BCL6: variants seen among roughly 807,000 people sequenced by gnomAD.
BCL6 encodes BCL6 transcription repressor.
In BCL6, 7 loss-of-function variants were observed where a neutral mutation model predicts 59.5. The ratio of observed to expected loss-of-function variants is 0.12; its 90% CI spans 0.07 to 0.22. The LOEUF (loss-of-function observed/expected upper bound fraction) is 0.22. Ranked by LOEUF, BCL6 falls within the 10% of genes least tolerant of loss-of-function variation. The pLI, the probability that BCL6 is intolerant of heterozygous loss-of-function variation, is 1.00. For synonymous variants in BCL6, 339 were observed against 349.7 expected, an observed-to-expected ratio of 0.97 and a Z score of 0.34; for missense variants, 685 against 939.4, an observed-to-expected ratio of 0.73 and a Z score of 3.54.
rs187765150 is a variant in BCL6, at chr3:187,742,279, A to C, written c.-50+3131T>G. Among the ~76,000 whole-genome samples, 454 of 152,170 alleles carry C rather than the reference A, an allele frequency of 3.0e-3. 4 individuals carry two copies. Among genetic ancestry groups the C allele is most frequent in the African/African-American group, 0.01 (434 of 41,508 alleles). ...TGTGAGTGTCATTACCCTGTAGGGG[A>C]TAGAGGGAAGGAAGGGTTTTGACAT... On this transcript the variant is annotated intron_variant, in intron 1 of 9. Transcript: ENST00000406870.
At chr3:187,744,161 A>G (rs2108483013) in intron 1 of BCL6, among the ~76,000 whole-genome samples, 1 of 152,312 alleles carries the variant, frequency 6.6e-6, no homozygotes, top group African/African-American at 2.4e-5. Context: ...GGGAGGCAAC[A>G]GCCATTGGGA....
At chr3:187,745,025 C>CTCCTTCCCCCTAAT (rs1711857109) in intron 1 of BCL6, among the ~76,000 whole-genome samples, 1 of 152,014 alleles carries the variant, frequency 6.6e-6, no homozygotes, top group Non-Finnish European at 1.5e-5. Flanking sequence ...CCTAATTCCC[C>CTCCTTCCCCCTAAT]TCCTTCCTCT....
intron 1 of BCL6, among the ~76,000 whole-genome samples, chr3:187,735,613 C>T (rs76177995): frequency 0.016 from 2,450 of 152,310 alleles, 26 homozygotes; most frequent in Admixed American, 0.033. Flanking sequence ...AATGCCATTG[C>T]TTCTAAGTTT....
At chr3:187,745,136 T>C (rs544841681) in intron 1 of BCL6, among the ~76,000 whole-genome samples, 5 of 151,876 alleles carry the variant, frequency 3.3e-5, no homozygotes, top group East Asian at 1.9e-4. Flanking sequence ...TAATAATAAA[T>C]ACATAACAAT....
chr3:187,736,186 G>A (rs146909253), intron 1 of BCL6: 81 of 152,210 alleles, frequency 5.3e-4, no homozygotes, highest in African/African-American at 1.7e-3. Flanking sequence ...CAATCCCATC[G>A]GCTCCAAGGT....
At chr3:187,744,208 A>T in intron 1 of BCL6, among the ~76,000 whole-genome samples, 1 of 152,126 alleles carries the variant, frequency 6.6e-6, no homozygotes, top group African/African-American at 2.4e-5. Flanking sequence ...AAATACAAAC[A>T]CCGCAGCGGC....
Position 187,729,134 on chromosome 3 carries a change from T to C in BCL6, c.1271A>G (p.Asp424Gly). 1 of 1,592,704 alleles carries C rather than the reference T, an allele frequency of 6.3e-7. No individual in the cohort carries two copies. Among genetic ancestry groups the C allele is most frequent in the Non-Finnish European group, 8.6e-7 (1 of 1,167,824 alleles). ...ACTCAGCTTGGTTGGGGACTGGAGG[T>C]CAAGGTTCTCAGGCTCCATGGGTGG... The part of the protein sequence containing the change: ...CQPPMEPENL[D>G]LQSPTKLSAS... The change falls in exon 5 of 10, where the codon GAC becomes GGC. Residue 424 changes from aspartate to glycine, a missense_variant. By Grantham distance (94) the Asp-to-Gly change is moderately conservative. Transcript: ENST00000406870. The surrounding 1 kb of genome is among the most constrained non-coding windows in gnomAD (Gnocchi z 5.6).
chr3:187,737,398 A>T (rs1719341991), intron 1 of BCL6: 1 of 144,506 alleles, frequency 6.9e-6, no homozygotes, highest in Admixed American at 6.9e-5. Flanking sequence ...AGAGAGAGAA[A>T]ATGAGAGAAG....
chr3:187,730,032 A>C lies in BCL6; in HGVS notation c.384-11T>G. Reference sequence around the variant, plus strand: ...ACCATCTCTGCTTCACTGTGAAAGAAAAAAAGAGGAAAGACACCGGCCCCA... The same window carrying C: ...ACCATCTCTGCTTCACTGTGAAAGACAAAAAGAGGAAAGACACCGGCCCCA... On this transcript the variant is annotated splice_polypyrimidine_tract_variant and intron_variant, in intron 4 of 9. Transcript: ENST00000406870. The C allele has an allele frequency of 6.5e-7, 1 of 1,530,898 alleles. No homozygotes were observed. Among genetic ancestry groups the C allele is most frequent in the East Asian group, 2.3e-5 (1 of 44,114 alleles). 94.8% of individuals were successfully genotyped at this position (1,530,898 alleles called of 1,614,324 possible). A position where few individuals can be genotyped will look rare whatever the true frequency, so the allele number is the denominator to read the frequency against.
intron 4 of BCL6, among the ~76,000 whole-genome samples, chr3:187,730,467 A>G (rs1718987396): frequency 6.6e-6 from 1 of 152,266 alleles, no homozygotes; most frequent in Non-Finnish European, 1.5e-5. Flanking sequence ...GAATTTATAC[A>G]ATGTTGGTAT....
At chr3:187,738,664 G>T (rs903246751) in intron 1 of BCL6, among the ~76,000 whole-genome samples, 1 of 152,146 alleles carries the variant, frequency 6.6e-6, no homozygotes, top group Non-Finnish European at 1.5e-5. Flanking sequence ...GCTTTCGGGG[G>T]CTAGGGGACA....
chr3:187,725,414 A>G lies in BCL6; in HGVS notation c.1839+85T>C, dbSNP rs1168778980. 2 of 1,503,598 alleles carry G rather than the reference A, an allele frequency of 1.3e-6. No homozygotes were observed. Among genetic ancestry groups the G allele is most frequent in the Non-Finnish European group, 8.9e-7 (1 of 1,128,540 alleles). The allele number at this position is 1,503,598 out of a possible 1,614,324, so 93.1% of individuals were successfully genotyped here. On this transcript the variant is annotated intron_variant, in intron 8 of 9. Coordinates refer to ENST00000406870, the MANE Select transcript of BCL6 (RefSeq NM_001706.5). This position sits in a 1 kb window ranked among gnomAD's most constrained non-coding sequence, Gnocchi z 4.7. ...GCCTGCCCGCTCCACTTGCCTGCCCACTCCTCCGCTTGCCTGCCCACTCCT... is the reference window on the plus strand; with the variant it reads ...GCCTGCCCGCTCCACTTGCCTGCCCGCTCCTCCGCTTGCCTGCCCACTCCT...
At chr3:187,738,736 G>C (rs1264750021) in intron 1 of BCL6, among the ~76,000 whole-genome samples, 2 of 152,186 alleles carry the variant, frequency 1.3e-5, no homozygotes, top group East Asian at 3.9e-4. Context: ...GCGTCACACT[G>C]CGCCGCTCAT....
At position 187,726,648 on chromosome 3, in the gene BCL6, C is replaced by T; in HGVS notation, c.1708+83G>A. ...GCCTTGCCCCACCAGGTCTCCAGGC[C>T]CCACACAGCTTTCTCTAGGATCCTC... On this transcript the variant is annotated intron_variant, in intron 7 of 9. Coordinates refer to ENST00000406870, the MANE Select transcript of BCL6 (RefSeq NM_001706.5). The T allele has an allele frequency of 1.9e-6, 3 of 1,548,896 alleles. No individual in the cohort carries two copies. In the South Asian group the frequency reaches 3.7e-5, roughly 19 times the overall value.
At chr3:187,744,974 A>C (rs1576886041) in intron 1 of BCL6, among the ~76,000 whole-genome samples, 1 of 150,236 alleles carries the variant, frequency 6.7e-6, no homozygotes. Flanking sequence ...AGCCCGAATC[A>C]CCCCCCAAGC....
intron 1 of BCL6, among the ~76,000 whole-genome samples, chr3:187,744,609 T>A (rs576008999): frequency 6.6e-6 from 1 of 152,154 alleles, no homozygotes; most frequent in Admixed American, 6.5e-5. Context: ...AAGAGTTCGC[T>A]TGCATTTTTT....
chr3:187,735,318 A>C (rs541076411), intron 1 of BCL6, among the ~76,000 whole-genome samples: 42 of 152,334 alleles, frequency 2.8e-4, no homozygotes, highest in African/African-American at 9.9e-4. Context: ...GTCATTCAAA[A>C]CCTGCTAAAA....
intron 9 of BCL6, among the ~76,000 whole-genome samples, chr3:187,722,846 C>T (rs1179240159): frequency 1.3e-5 from 2 of 152,204 alleles, no homozygotes; most frequent in East Asian, 3.8e-4. Context: ...ACGTCCTTCC[C>T]TGCCTTAACT....
At chr3:187,726,609 G>T in intron 7 of BCL6, 122 bp downstream of exon 7, 1 of 1,388,458 alleles carries the variant, frequency 7.2e-7, no homozygotes, top group East Asian at 2.3e-5. Context: ...AGGCCAGGAT[G>T]GGGCCTGCCT....
Sources: gnomAD v4.1 joint callset for allele counts (sites outside exome capture counted in the v4.1 genomes callset) on GRCh38, gnomAD v4.1.1 for gene constraint, Gnocchi (gnomAD v3.1) non-coding constraint, MANE v1.5 for transcripts, NCBI Gene and HGNC (gene_info 2026-07-23, HGNC 2026-07-21) for gene names.